Variants in SLC38A6 observed in about 807,000 individuals in gnomAD.
SLC38A6 encodes solute carrier family 38 member 6.
Under a neutral mutation model 65.0 loss-of-function variants are expected in SLC38A6, and 73 were observed. The ratio of observed to expected loss-of-function variants is 1.12; its 90% CI spans 0.93 to 1.37. The LOEUF (loss-of-function observed/expected upper bound fraction) is 1.37, where lower values mean the gene tolerates loss of function less well. Among genes scored for constraint, SLC38A6 ranks in the 40% most tolerant of loss-of-function variants. The pLI is 0.00. For missense variants in SLC38A6, 561 were observed against 531.1 expected (o/e 1.06, Z -0.55); for synonymous variants, 183 against 178.8 (o/e 1.02, Z -0.19).
chr14:61,014,376 T>C (rs2039831808), intron 3 of SLC38A6, among the ~76,000 whole-genome samples: 2 of 152,238 alleles, frequency 1.3e-5, no homozygotes, highest in South Asian at 4.1e-4. Flanking sequence ...AGCCTTCTTC[T>C]CTCAACTCGT....
intron 4 of SLC38A6, 140 bp downstream of exon 4, chr14:61,016,096 T>C (rs1021399867): frequency 1.1e-5 from 6 of 536,240 alleles, no homozygotes; most frequent in Admixed American, 3.6e-5. Context: ...GAGAGAATGA[T>C]AGGAGCAGGC....
chr14:61,041,693 GT>G (rs1163830185), intron 8 of SLC38A6, among the ~76,000 whole-genome samples: 3 of 152,174 alleles, frequency 2.0e-5, no homozygotes, highest in Non-Finnish European at 4.4e-5. Context: ...GAGCCTAGGA[GT>G]TTGAGACCAG....
chr14:61,015,999 C>G, intron 4 of SLC38A6, 43 bp downstream of exon 4: 1 of 1,492,732 alleles, frequency 6.7e-7, no homozygotes, highest in Non-Finnish European at 9.1e-7. Context: ...CCCAAAGTGG[C>G]ATTTTTCCTT....
At chr14:61,070,328 T>C (rs1423425392) in intron 15 of SLC38A6, among the ~76,000 whole-genome samples, 1 of 152,258 alleles carries the variant, frequency 6.6e-6, no homozygotes, top group Admixed American at 6.5e-5. Flanking sequence ...TGTGACTGGC[T>C]TGTTTCACTT....
intron 1 of SLC38A6, chr14:60,982,217 C>G (rs1271505010): frequency 1.0e-5 from 5 of 491,200 alleles, no homozygotes; most frequent in Middle Eastern, 3.0e-4. Flanking sequence ...CCATTCCCAT[C>G]CTATCTTCAT....
chr14:60,998,415 T>C (rs1003073638), intron 3 of SLC38A6, among the ~76,000 whole-genome samples: 6 of 152,014 alleles, frequency 3.9e-5, no homozygotes, highest in Admixed American at 2.0e-4. Flanking sequence ...GAGAGGTCGG[T>C]TGGGGACAGC....
chr14:61,043,951 A>T (rs1358626649), intron 10 of SLC38A6, among the ~76,000 whole-genome samples: 1 of 152,160 alleles, frequency 6.6e-6, no homozygotes, highest in Non-Finnish European at 1.5e-5. Flanking sequence ...CTGCCAATAT[A>T]TCTTCTGGCC....
At chr14:61,016,577 G>C (rs1176305214) in intron 4 of SLC38A6, among the ~76,000 whole-genome samples, 1 of 152,142 alleles carries the variant, frequency 6.6e-6, no homozygotes. Flanking sequence ...ACTTGCAATA[G>C]GGATACTACA....
intron 15 of SLC38A6, among the ~76,000 whole-genome samples, chr14:61,068,879 G>A (rs778966235): frequency 6.6e-6 from 1 of 152,176 alleles, no homozygotes; most frequent in African/African-American, 2.4e-5. Context: ...AACAGACTGT[G>A]TCCTTCTACT....
intron 15 of SLC38A6, among the ~76,000 whole-genome samples, chr14:61,064,749 A>C (rs1403771462): frequency 6.6e-6 from 1 of 151,608 alleles, no homozygotes; most frequent in African/African-American, 2.4e-5. Context: ...TTCATAATTT[A>C]TTAGGTAATA....
At chr14:61,047,669 A>G (rs1223567481) in intron 12 of SLC38A6, among the ~76,000 whole-genome samples, 1 of 152,092 alleles carries the variant, frequency 6.6e-6, no homozygotes, top group Non-Finnish European at 1.5e-5. Flanking sequence ...CTATGTATGT[A>G]TCTATGTATA....
chr14:61,066,002 C>T (rs2043006655), intron 15 of SLC38A6, among the ~76,000 whole-genome samples: 1 of 152,082 alleles, frequency 6.6e-6, no homozygotes, highest in African/African-American at 2.4e-5. Context: ...TTCTTTTTGG[C>T]ATGTTAACAG....
intron 12 of SLC38A6, among the ~76,000 whole-genome samples, chr14:61,047,716 C>A (rs1375253337): frequency 6.6e-6 from 1 of 152,046 alleles, no homozygotes; most frequent in Non-Finnish European, 1.5e-5. Flanking sequence ...AACACAAAGG[C>A]TAAAGGTTTT....
At chr14:61,079,579 A>G (rs983729308) in intron 16 of SLC38A6, among the ~76,000 whole-genome samples, 1 of 152,188 alleles carries the variant, frequency 6.6e-6, no homozygotes, top group African/African-American at 2.4e-5. Context: ...TAACTGCTCC[A>G]TTACTCAGGA....
rs190109540 is a variant in SLC38A6, at chr14:61,024,384, A to G, written c.403+4804A>G. 4.6e-5 allele frequency among the ~76,000 whole-genome samples: 7 copies of G among 152,356 alleles called. 1 individual carries two copies. Among genetic ancestry groups the G allele is most frequent in the African/African-American group, 1.7e-4 (7 of 41,582 alleles). On this transcript the variant is annotated intron_variant, in intron 5 of 15. Transcript: ENST00000267488. ...ATGAATAACAGGCTCAACATTGGCT[A>G]GAGCCAGAGGTAACCCTCTGCAGCC...
intron 1 of SLC38A6, among the ~76,000 whole-genome samples, chr14:60,981,909 G>A (rs201154192): frequency 1.3e-5 from 2 of 152,162 alleles, no homozygotes; most frequent in East Asian, 3.9e-4. Flanking sequence ...TTTTTAACTC[G>A]AGTCCTAGAC....
chr14:61,080,395 G>A (rs2043596114), intron 16 of SLC38A6, among the ~76,000 whole-genome samples: 1 of 152,156 alleles, frequency 6.6e-6, no homozygotes, highest in Admixed American at 6.5e-5. Flanking sequence ...TCCCAGCCTG[G>A]TGAAAGTCAT....
At chr14:61,005,116 G>A (rs2038996036) in intron 3 of SLC38A6, among the ~76,000 whole-genome samples, 1 of 152,124 alleles carries the variant, frequency 6.6e-6, no homozygotes, top group Non-Finnish European at 1.5e-5. Flanking sequence ...ATGCAGAAAA[G>A]GCCTTTGACA....
chr14:61,081,315 C>G (rs897799151), intron 16 of SLC38A6, among the ~76,000 whole-genome samples: 1 of 92,478 alleles, frequency 1.1e-5, no homozygotes, highest in African/African-American at 3.2e-5. Flanking sequence ...CTACTTTGAC[C>G]AGTGCTTTGG....
Sources: allele counts gnomAD v4.1 joint callset (sites outside exome capture counted in the v4.1 genomes callset), GRCh38; gene constraint gnomAD v4.1.1; transcripts MANE v1.5; gene names NCBI Gene and HGNC (gene_info 2026-07-23, HGNC 2026-07-21).